The following PLCL1 variants were observed in gnomAD, a reference collection of about 807,000 sequenced individuals.
The protein encoded by PLCL1 is inactive phospholipase C-like protein 1.
PLCL1 carries 41 observed loss-of-function variants against 84.4 expected under a neutral mutation model. The ratio of observed to expected loss-of-function variants is 0.49; its 90% CI spans 0.38 to 0.63. The LOEUF is 0.63. Ranked by LOEUF, PLCL1 falls within the 30% of genes least tolerant of loss-of-function variation. The probability of loss-of-function intolerance (pLI) is 0.00; values close to 1 mark genes in which losing one functional copy is unlikely to be tolerated. For synonymous variants in PLCL1, 490 were observed against 488.3 expected (o/e 1.00, Z -0.05); for missense variants, 1,206 against 1,367.8 (o/e 0.88, Z 1.87).
rs561594935 is a variant in PLCL1, at chr2:198,107,366, T to C, written c.3105+3430T>C. ...TTGGGTCCAAACCATATCAGTCCCA[T>C]TGGGTCCAGGCAGCCTAGTGCAGGA... On this transcript the variant is annotated intron_variant, in intron 5 of 5. Coordinates refer to ENST00000428675, the MANE Select transcript of PLCL1 (RefSeq NM_006226.4). 2.0e-5 allele frequency among the ~76,000 whole-genome samples: 3 copies of C among 151,508 alleles called. No individual in the cohort carries two copies. In the South Asian group the frequency reaches 6.2e-4, roughly 31 times the overall value.
Position 197,998,063 on chromosome 2 carries a change from T to C in PLCL1, c.241-85695T>C, listed in dbSNP as rs1224750622. ...AGCATGAGGGCTTAGTGGGTGGGAG[T>C]GGTGGAGAGTGATATGGAGCGAGAC... On this transcript the variant is annotated intron_variant, in intron 1 of 5. Coordinates refer to ENST00000428675, the MANE Select transcript of PLCL1 (RefSeq NM_006226.4). Among the ~76,000 whole-genome samples, 6 of 150,374 alleles carry C rather than the reference T, an allele frequency of 4.0e-5. No individual in the cohort carries two copies. The Admixed American group carries it at 4.0e-4, about 10-fold the overall frequency.
chr2:197,823,501 A>C (rs916670667), intron 1 of PLCL1, among the ~76,000 whole-genome samples: 2 of 152,162 alleles, frequency 1.3e-5, no homozygotes, highest in African/African-American at 4.8e-5. Context: ...ATAAAATCTG[A>C]GGCTAGTTTT....
At chr2:197,866,240 G>A (rs902111947) in intron 1 of PLCL1, among the ~76,000 whole-genome samples, 2 of 143,068 alleles carry the variant, frequency 1.4e-5, no homozygotes, top group African/African-American at 2.6e-5. Flanking sequence ...AAAATGAATA[G>A]CTAGGCAGAA....
intron 1 of PLCL1, among the ~76,000 whole-genome samples, chr2:198,079,921 T>C (rs942506338): frequency 1.3e-5 from 2 of 152,224 alleles, no homozygotes; most frequent in Non-Finnish European, 1.5e-5. Context: ...CTATTTATCT[T>C]AATAAATTTA....
At chr2:198,046,348 T>C (rs1691790576) in intron 1 of PLCL1, among the ~76,000 whole-genome samples, 1 of 152,304 alleles carries the variant, frequency 6.6e-6, no homozygotes, top group Non-Finnish European at 1.5e-5. Context: ...CATGTCAATA[T>C]GGAATCAAAT....
At position 197,889,710 on chromosome 2, in the gene PLCL1, G is replaced by C. The variant is rs183753363; in HGVS notation, c.240+84371G>C. ...TAGCATGGCTAGCAAATTTATTTCA[G>C]TTTTTTTTTCTTGCAAATCTTAGTT... On this transcript the variant is annotated intron_variant, in intron 1 of 5. Transcript: ENST00000428675. Among the ~76,000 whole-genome samples, 333 of 151,130 alleles carry C rather than the reference G, an allele frequency of 2.2e-3. 3 individuals are homozygous for C. The highest frequency in any genetic ancestry group is 7.5e-3 in the African/African-American group (310 of 41,232).
At chr2:198,104,958 C>T (rs1693438906) in intron 5 of PLCL1, among the ~76,000 whole-genome samples, 1 of 152,028 alleles carries the variant, frequency 6.6e-6, no homozygotes, top group Non-Finnish European at 1.5e-5. Flanking sequence ...AATATCTTCT[C>T]CCATTCTGTA....
At chr2:198,146,442 A>T (rs951069171) in intron 5 of PLCL1, among the ~76,000 whole-genome samples, 2 of 152,122 alleles carry the variant, frequency 1.3e-5, no homozygotes, top group African/African-American at 4.8e-5. Context: ...TGGGCGGGGT[A>T]GGTATTGCAG....
intron 1 of PLCL1, among the ~76,000 whole-genome samples, chr2:197,835,329 A>G (rs1691162536): frequency 1.3e-5 from 2 of 152,210 alleles, no homozygotes; most frequent in Non-Finnish European, 2.9e-5. Flanking sequence ...GCATAACAGA[A>G]ATTTTTACCA....
intron 1 of PLCL1, among the ~76,000 whole-genome samples, chr2:198,042,181 T>C (rs563305467): frequency 1.3e-5 from 2 of 152,282 alleles, no homozygotes; most frequent in East Asian, 1.9e-4. Context: ...TGAATGAAGA[T>C]GCAAGGTCTG....
intron 1 of PLCL1, among the ~76,000 whole-genome samples, chr2:198,039,988 G>A (rs1467068809): frequency 6.6e-6 from 1 of 152,212 alleles, no homozygotes; most frequent in Non-Finnish European, 1.5e-5. Flanking sequence ...GAGTGACATT[G>A]AGATTGGAGT....
intron 1 of PLCL1, among the ~76,000 whole-genome samples, chr2:198,059,997 A>G (rs1692154353): frequency 6.6e-6 from 1 of 152,130 alleles, no homozygotes. Context: ...GACTGCACAT[A>G]CTGTTATGGG....
intron 1 of PLCL1, among the ~76,000 whole-genome samples, chr2:198,003,379 T>A (rs961247473): frequency 3.3e-5 from 5 of 152,212 alleles, no homozygotes; most frequent in Non-Finnish European, 5.9e-5. Flanking sequence ...TCTGCACTTA[T>A]GAGCATATTA....
At chr2:197,920,705 A>AAT (rs1167725767) in intron 1 of PLCL1, among the ~76,000 whole-genome samples, 1 of 152,204 alleles carries the variant, frequency 6.6e-6, no homozygotes, top group East Asian at 1.9e-4. Flanking sequence ...CCCTCTGAAG[A>AAT]ATATATATAG....
chr2:198,021,250 T>A (rs934102733), intron 1 of PLCL1, among the ~76,000 whole-genome samples: 1 of 151,936 alleles, frequency 6.6e-6, no homozygotes, highest in South Asian at 2.1e-4. Flanking sequence ...GCTAAAGCAG[T>A]GTTTAGAGGG....
chr2:198,146,788 A>T lies in PLCL1; in HGVS notation c.3114A>T (p.Gly1038=). 1 of 1,611,546 alleles carries T rather than the reference A, an allele frequency of 6.2e-7. No individual in the cohort carries two copies. Among genetic ancestry groups the T allele is most frequent in the East Asian group, 2.2e-5 (1 of 44,826 alleles). ...TTTTTTTCTGTTTGTAGGGCCAAGGAGATCTGTTGAAGAATGCCAAGAATG... is the reference window on the plus strand; with the variant it reads ...TTTTTTTCTGTTTGTAGGGCCAAGGTGATCTGTTGAAGAATGCCAAGAATG... ...AWNITVLKGQ[G]DLLKNAKNEA... Residue 1038 remains glycine (G), a synonymous_variant, in exon 6 of 6, where the codon GGA becomes GGT. Transcript: ENST00000428675.
chr2:198,052,525 GAAAAA>G (rs568994388), intron 1 of PLCL1, among the ~76,000 whole-genome samples: 1 of 136,312 alleles, frequency 7.3e-6, no homozygotes, highest in South Asian at 2.3e-4. Flanking sequence ...TATAGAGGTT[GAAAAA>G]AAAAAAAACC....
chr2:198,122,958 A>G (rs1221010673), intron 5 of PLCL1, among the ~76,000 whole-genome samples: 1 of 152,118 alleles, frequency 6.6e-6, no homozygotes, highest in Non-Finnish European at 1.5e-5. Flanking sequence ...GTTAGCTAAT[A>G]GCTAATGAGT....
chr2:197,853,701 A>G (rs1051072561), intron 1 of PLCL1, among the ~76,000 whole-genome samples: 1 of 151,928 alleles, frequency 6.6e-6, no homozygotes, highest in Non-Finnish European at 1.5e-5. Flanking sequence ...CCTCCTATGC[A>G]TCCTGTAAGA....
Sources: gnomAD v4.1 joint callset for allele counts (sites outside exome capture counted in the v4.1 genomes callset) on GRCh38, gnomAD v4.1.1 for gene constraint, MANE v1.5 for transcripts, NCBI Gene and HGNC (gene_info 2026-07-23, HGNC 2026-07-21) for gene names.